Variants in DOK5 observed in about 807,000 individuals in gnomAD.
DOK5 encodes docking protein 5.
DOK5 carries 27 observed loss-of-function variants against 43.3 expected under a neutral mutation model. The observed-to-expected ratio is 0.62, with a 90% CI of 0.46 to 0.86. DOK5 has a LOEUF of 0.86. Ranked by LOEUF, DOK5 falls within the 40% of genes least tolerant of loss-of-function variation. DOK5 has a pLI of 0.00. For synonymous variants in DOK5, 146 were observed against 140.1 expected, an observed-to-expected ratio of 1.04 and a Z score of -0.30; for missense variants, 373 against 392.9, an observed-to-expected ratio of 0.95 and a Z score of 0.43.
intron 1 of DOK5, among the ~76,000 whole-genome samples, chr20:54,545,978 G>A (rs892704077): frequency 2.6e-5 from 4 of 152,114 alleles, no homozygotes; most frequent in African/African-American, 9.7e-5. Context: ...CAGATGGATC[G>A]ACCATCAGCC....
intron 6 of DOK5, among the ~76,000 whole-genome samples, chr20:54,619,705 C>T (rs1038210667): frequency 8.5e-5 from 13 of 152,162 alleles, no homozygotes; most frequent in African/African-American, 3.1e-4. Flanking sequence ...GATTGATTTA[C>T]TTCCAAGCTG....
chr20:54,638,122 G>GAAAAA (rs35374729), intron 6 of DOK5, among the ~76,000 whole-genome samples: 2 of 130,126 alleles, frequency 1.5e-5, no homozygotes, highest in South Asian at 2.6e-4. Context: ...ACTCTGTCTC[G>GAAAAA]AAAAAAAAAA....
At chr20:54,622,843 A>T (rs1377112104) in intron 6 of DOK5, among the ~76,000 whole-genome samples, 1 of 152,130 alleles carries the variant, frequency 6.6e-6, no homozygotes, top group African/African-American at 2.4e-5. Flanking sequence ...AGAAATAGTG[A>T]TGAGGACTGA....
chr20:54,561,172 C>T (rs544187002), intron 2 of DOK5, among the ~76,000 whole-genome samples: 6 of 152,264 alleles, frequency 3.9e-5, no homozygotes, highest in African/African-American at 9.6e-5. Context: ...AGAGTCTTCT[C>T]GACTTTCCCT....
intron 6 of DOK5, among the ~76,000 whole-genome samples, chr20:54,621,670 T>C (rs993371237): frequency 3.4e-5 from 5 of 148,540 alleles, no homozygotes; most frequent in African/African-American, 2.5e-5. Flanking sequence ...GCCTGGGCAA[T>C]AGAACGAGAC....
At chr20:54,644,518 C>A (rs926278570) in intron 7 of DOK5, among the ~76,000 whole-genome samples, 1 of 151,038 alleles carries the variant, frequency 6.6e-6, no homozygotes. Flanking sequence ...TCCTGGCTAA[C>A]ACAGTGAAAC....
chr20:54,501,899 C>T (rs1192899710), intron 1 of DOK5, among the ~76,000 whole-genome samples: 1 of 152,170 alleles, frequency 6.6e-6, no homozygotes. Flanking sequence ...GACTTTTGAG[C>T]AAATTTTATT....
chr20:54,503,513 A>G (rs6023308), intron 1 of DOK5, among the ~76,000 whole-genome samples: 13,295 of 152,168 alleles, frequency 0.087, 1,982 homozygotes, highest in African/African-American at 0.3. Context: ...TCATTTATTC[A>G]TCCTCTTCAC....
At chr20:54,619,499 G>A (rs1379350640) in intron 6 of DOK5, among the ~76,000 whole-genome samples, 1 of 152,198 alleles carries the variant, frequency 6.6e-6, no homozygotes, top group African/African-American at 2.4e-5. Context: ...TTCAAGGCGA[G>A]AGCCTCAAGG....
intron 2 of DOK5, among the ~76,000 whole-genome samples, chr20:54,563,612 G>T (rs1458974418): frequency 7.0e-6 from 1 of 143,492 alleles, no homozygotes; most frequent in African/African-American, 2.6e-5. Context: ...AGTCTCAGTT[G>T]TTAACGATCT....
intron 1 of DOK5, among the ~76,000 whole-genome samples, chr20:54,495,821 G>T (rs1982369454): frequency 6.6e-6 from 1 of 152,166 alleles, no homozygotes; most frequent in Non-Finnish European, 1.5e-5. Flanking sequence ...GTCGGAGGTT[G>T]CAGTGAGCCG....
chr20:54,619,062 T>TTC (rs1198175362), intron 6 of DOK5, among the ~76,000 whole-genome samples: 5 of 115,122 alleles, frequency 4.3e-5, no homozygotes, highest in Admixed American at 8.5e-5. Flanking sequence ...TATATATATA[T>TTC]ATATATATAT....
chr20:54,612,545 C>T (rs1312614031), intron 6 of DOK5, among the ~76,000 whole-genome samples: 2 of 152,084 alleles, frequency 1.3e-5, no homozygotes, highest in Non-Finnish European at 2.9e-5. Context: ...GAGTGGGCCT[C>T]ATCCAATCTG....
At chr20:54,484,345 C>A (rs1212186569) in intron 1 of DOK5, among the ~76,000 whole-genome samples, 1 of 150,516 alleles carries the variant, frequency 6.6e-6, no homozygotes, top group East Asian at 1.9e-4. Flanking sequence ...CGCCACTGCA[C>A]TCCAGCCTGG....
Position 54,486,184 on chromosome 20 carries a change from A to G in DOK5, c.66+10172A>G, listed in dbSNP as rs542976180. Among the ~76,000 whole-genome samples the G allele has an allele frequency of 1.2e-4, 19 of 152,254 alleles. No homozygotes were observed. The East Asian group carries it at 3.3e-3, about 26-fold the overall frequency. On this transcript the variant is annotated intron_variant, in intron 1 of 7. Transcript: ENST00000262593. ...AATTTTTGTATAAGGTGTGCATTTC[A>G]GGTCAAGGTTATGCCTATGGATGTA...
chr20:54,617,640 AG>A (rs1986856866), intron 6 of DOK5, among the ~76,000 whole-genome samples: 1 of 152,192 alleles, frequency 6.6e-6, no homozygotes, highest in Non-Finnish European at 1.5e-5. Context: ...GTTGACTAAA[AG>A]CAAATCATAA....
intron 5 of DOK5, among the ~76,000 whole-genome samples, chr20:54,607,967 T>C (rs1986526168): frequency 6.6e-6 from 1 of 152,128 alleles, no homozygotes; most frequent in African/African-American, 2.4e-5. Context: ...AAGAGTAAAA[T>C]TAATTAATGG....
intron 6 of DOK5, among the ~76,000 whole-genome samples, chr20:54,620,905 G>A (rs73913636): frequency 0.01 from 1,579 of 152,178 alleles, 24 homozygotes; most frequent in African/African-American, 0.037. Flanking sequence ...TTATTTGTAA[G>A]AGCAGAAATA....
intron 6 of DOK5, among the ~76,000 whole-genome samples, chr20:54,638,107 G>C (rs6064097): frequency 0.41 from 58,722 of 142,574 alleles, 14,224 homozygotes; most frequent in South Asian, 0.64. Flanking sequence ...GGGTGACAGA[G>C]CGAGACTCTG....
Sources: gnomAD v4.1 joint callset for allele counts (sites outside exome capture counted in the v4.1 genomes callset) on GRCh38, gnomAD v4.1.1 for gene constraint, MANE v1.5 for transcripts, NCBI Gene and HGNC (gene_info 2026-07-23, HGNC 2026-07-21) for gene names.